ALK: variants seen among roughly 807,000 people sequenced by gnomAD.
ALK encodes the protein ALK receptor tyrosine kinase.
A neutral mutation model predicts 163.1 loss-of-function variants in ALK; 74 were observed. The ratio of observed to expected loss-of-function variants is 0.45; its 90% CI spans 0.38 to 0.55. The LOEUF is 0.55. Ranked by LOEUF, ALK falls within the 20% of genes least tolerant of loss-of-function variation. The probability of loss-of-function intolerance (pLI) is 0.00; values close to 1 mark genes in which losing one functional copy is unlikely to be tolerated. For missense variants in ALK, 2,063 were observed against 2,105.3 expected, an observed-to-expected ratio of 0.98 and a Z score of 0.39; for synonymous variants, 960 against 843.2, an observed-to-expected ratio of 1.14 and a Z score of -2.40.
At position 29,837,298 on chromosome 2, in the gene ALK, T is replaced by C. The variant is rs1485872995; in HGVS notation, c.667+82695A>G. On this transcript the variant is annotated intron_variant, in intron 1 of 28. Transcript: ENST00000389048. ...GGTCTTGCTGAGGCCAGGGAAGAGATATTGGGATTTGGAGCTACTGAGGTG... is the reference window on the plus strand; with the variant it reads ...GGTCTTGCTGAGGCCAGGGAAGAGACATTGGGATTTGGAGCTACTGAGGTG... Among the ~76,000 whole-genome samples, 2 of 152,098 alleles carry C rather than the reference T, an allele frequency of 1.3e-5. 1 individual carries two copies. Among genetic ancestry groups the C allele is most frequent in the Admixed American group, 1.3e-4 (2 of 15,266 alleles).
At chr2:29,706,209 G>A (rs1459721848) in intron 2 of ALK, among the ~76,000 whole-genome samples, 2 of 152,216 alleles carry the variant, frequency 1.3e-5, no homozygotes, top group East Asian at 3.9e-4. Context: ...TTGGGCAGGT[G>A]GCCAAAATAA....
chr2:29,317,363 C>A (rs187403302), intron 8 of ALK, among the ~76,000 whole-genome samples: 2 of 152,310 alleles, frequency 1.3e-5, no homozygotes, highest in East Asian at 3.9e-4. Flanking sequence ...GATGTTGATG[C>A]AGGTGCAGTG....
At chr2:29,631,970 G>A (rs974070190) in intron 3 of ALK, among the ~76,000 whole-genome samples, 40 of 152,200 alleles carry the variant, frequency 2.6e-4, no homozygotes, top group African/African-American at 8.4e-4. Context: ...AACTCTTGGA[G>A]GCAGAATAGG....
At chr2:29,260,396 T>C (rs2148204816) in intron 11 of ALK, among the ~76,000 whole-genome samples, 1 of 152,358 alleles carries the variant, frequency 6.6e-6, no homozygotes, top group African/African-American at 2.4e-5. Flanking sequence ...TTTTGTTTTC[T>C]TATTTTAATT....
intron 1 of ALK, among the ~76,000 whole-genome samples, chr2:29,731,933 C>T (rs1274020780): frequency 1.3e-5 from 2 of 152,140 alleles, no homozygotes; most frequent in Admixed American, 6.5e-5. Context: ...AGGTCAATTC[C>T]CTATTAATTT....
intron 1 of ALK, among the ~76,000 whole-genome samples, chr2:29,821,421 C>A (rs1353342219): frequency 6.6e-6 from 1 of 152,148 alleles, no homozygotes; most frequent in Non-Finnish European, 1.5e-5. Flanking sequence ...GGGACAAGCA[C>A]CAATTTTGAT....
At chr2:29,203,445 A>T (rs1482377820) in intron 26 of ALK, among the ~76,000 whole-genome samples, 4 of 136,446 alleles carry the variant, frequency 2.9e-5, no homozygotes, top group Non-Finnish European at 6.2e-5. Flanking sequence ...TCTTTGTGGA[A>T]GTTTGCAGGA....
chr2:29,733,895 T>C (rs552257596), intron 1 of ALK, among the ~76,000 whole-genome samples: 2 of 152,230 alleles, frequency 1.3e-5, no homozygotes, highest in African/African-American at 2.4e-5. Flanking sequence ...CATGGGACAT[T>C]GGACCTGCTG....
chr2:29,617,504 C>T (rs892719498), intron 3 of ALK, among the ~76,000 whole-genome samples: 16 of 152,144 alleles, frequency 1.1e-4, no homozygotes, highest in Non-Finnish European at 2.2e-4. Flanking sequence ...CATTTCAGAG[C>T]ATATAGTCCA....
At chr2:29,524,802 T>TGATG (rs375415256) in intron 4 of ALK, among the ~76,000 whole-genome samples, 15 of 151,314 alleles carry the variant, frequency 9.9e-5, no homozygotes, top group East Asian at 1.9e-4. Context: ...ATGAATGGAT[T>TGATG]GATGGATGGA....
chr2:29,260,827 C>G lies in ALK; in HGVS notation c.2042-9560G>C, dbSNP rs1003769673. 1.7e-4 allele frequency among the ~76,000 whole-genome samples: 24 copies of G among 143,850 alleles called. No individual in the cohort carries two copies. In the Admixed American group the frequency reaches 1.7e-3, roughly 10 times the overall value. 94.4% of individuals were successfully genotyped at this position (143,850 alleles called of 152,430 possible). On this transcript the variant is annotated intron_variant, in intron 11 of 28. Coordinates refer to ENST00000389048, the MANE Select transcript of ALK (RefSeq NM_004304.5). ...CCAGCTTGGGTGACAGAGGGAGACT[C>G]TGCCTCAAAAACAAAACAAAACAAA...
chr2:29,436,415 C>T (rs1413224201), intron 4 of ALK, among the ~76,000 whole-genome samples: 1 of 152,196 alleles, frequency 6.6e-6, no homozygotes, highest in African/African-American at 2.4e-5. Flanking sequence ...CCCCAGGGGA[C>T]TGGTTTTATA....
intron 7 of ALK, among the ~76,000 whole-genome samples, chr2:29,320,068 C>A (rs1365920820): frequency 6.6e-6 from 1 of 152,236 alleles, no homozygotes; most frequent in African/African-American, 2.4e-5. Context: ...GGGAGCTCTG[C>A]TGGCCATATA....
intron 5 of ALK, among the ~76,000 whole-genome samples, chr2:29,328,794 C>T (rs1667353321): frequency 6.6e-6 from 1 of 152,172 alleles, no homozygotes; most frequent in Non-Finnish European, 1.5e-5. Flanking sequence ...AAACCCATGA[C>T]TTTAGTGTGC....
At chr2:29,701,552 T>C (rs1297609358) in intron 2 of ALK, among the ~76,000 whole-genome samples, 1 of 152,178 alleles carries the variant, frequency 6.6e-6, no homozygotes, top group African/African-American at 2.4e-5. Context: ...TAACACTTCA[T>C]CCTTCTTGAT....
chr2:29,713,166 T>C (rs1315392885), intron 2 of ALK, among the ~76,000 whole-genome samples: 4 of 152,338 alleles, frequency 2.6e-5, no homozygotes, highest in African/African-American at 7.2e-5. Flanking sequence ...CATAGTTACA[T>C]GGTGTGCACC....
chr2:29,377,304 G>T (rs1006811867), intron 5 of ALK, among the ~76,000 whole-genome samples: 1 of 151,810 alleles, frequency 6.6e-6, no homozygotes, highest in African/African-American at 2.4e-5. Flanking sequence ...GTGAAACCCC[G>T]TCTCTACTGA....
chr2:29,283,922 G>C (rs571835107), intron 9 of ALK, among the ~76,000 whole-genome samples: 1 of 152,206 alleles, frequency 6.6e-6, no homozygotes. Context: ...ATAGCTAGGA[G>C]TGTAGAGATG....
intron 19 of ALK, among the ~76,000 whole-genome samples, chr2:29,225,142 G>GTGAC (rs1343993302): frequency 1.3e-5 from 2 of 152,196 alleles, no homozygotes; most frequent in African/African-American, 4.8e-5. Flanking sequence ...GGAGCTAGAA[G>GTGAC]TGACGTCTAG....
Sources: allele counts gnomAD v4.1 joint callset (sites outside exome capture counted in the v4.1 genomes callset), GRCh38; gene constraint gnomAD v4.1.1; transcripts MANE v1.5; gene names NCBI Gene and HGNC (gene_info 2026-07-23, HGNC 2026-07-21).